CLIP2: variants seen among roughly 807,000 people sequenced by gnomAD.
CLIP2 encodes the protein CAP-Gly domain-containing linker protein 2.
Under a neutral mutation model 111.7 loss-of-function variants are expected in CLIP2, and 41 were observed. That is an observed-to-expected ratio of 0.37 (90% CI 0.29 to 0.48). CLIP2 has a LOEUF of 0.48. Among genes scored for constraint, CLIP2 ranks in the 20% least tolerant of loss-of-function variants. CLIP2 has a pLI of 0.99. For missense variants in CLIP2, 1,160 were observed against 1,422.1 expected (o/e 0.82, Z 2.96); for synonymous variants, 660 against 644.2 (o/e 1.02, Z -0.37).
chr7:74,311,403 G>A (rs1393779945), intron 1 of CLIP2, among the ~76,000 whole-genome samples: 1 of 152,130 alleles, frequency 6.6e-6, no homozygotes, highest in East Asian at 1.9e-4. Flanking sequence ...GGTATTGTCA[G>A]CTTTTCAAAT....
At position 74,403,934 on chromosome 7, in the gene CLIP2, G is replaced by T; in HGVS notation, c.*86G>T. On this transcript the variant is annotated 3_prime_UTR_variant, in exon 17 of 17. Transcript: ENST00000223398. ...AGTACCTCCTCCAGGCAGGAGCCGG[G>T]ACTGTCACTTTGGAGACAAAACAGT... 1 of 1,433,534 alleles carries T rather than the reference G, an allele frequency of 7.0e-7. No individual in the cohort carries two copies. The highest frequency in any genetic ancestry group is 1.1e-5 in the South Asian group (1 of 87,442). The allele number at this position is 1,433,534 out of a possible 1,614,324, so 88.8% of individuals were successfully genotyped here.
intron 4 of CLIP2, among the ~76,000 whole-genome samples, chr7:74,354,920 A>G (rs1174299820): frequency 1.3e-5 from 2 of 152,206 alleles, no homozygotes; most frequent in African/African-American, 4.8e-5. Context: ...GATGGGTTCC[A>G]GGTCTCACAG....
At chr7:74,365,025 G>C in intron 8 of CLIP2, 3 of 321,018 alleles carry the variant, frequency 9.3e-6, no homozygotes, top group Non-Finnish European at 1.2e-5. Context: ...GTGTGTGTGT[G>C]TGTGTGTGTG....
At chr7:74,341,380 G>T (rs1253886625) in intron 3 of CLIP2, among the ~76,000 whole-genome samples, 2 of 151,656 alleles carry the variant, frequency 1.3e-5, no homozygotes, top group Non-Finnish European at 2.9e-5. Flanking sequence ...GTAGAGATAG[G>T]GTTTCACCAT....
chr7:74,396,752 C>T (rs976685167), intron 13 of CLIP2, among the ~76,000 whole-genome samples: 24 of 152,120 alleles, frequency 1.6e-4, no homozygotes, highest in African/African-American at 5.8e-4. Context: ...AACTCCTGAC[C>T]TCAAATGATC....
chr7:74,298,765 C>G (rs1191425292), intron 1 of CLIP2, among the ~76,000 whole-genome samples: 3 of 152,092 alleles, frequency 2.0e-5, no homozygotes, highest in African/African-American at 7.2e-5. Context: ...AACTCCTGAC[C>G]TCAGGTGATT....
intron 10 of CLIP2, among the ~76,000 whole-genome samples, chr7:74,379,202 A>G (rs1790873232): frequency 6.6e-6 from 1 of 151,910 alleles, no homozygotes; most frequent in Non-Finnish European, 1.5e-5. Flanking sequence ...GGTGGCTCAC[A>G]CCTGTAATCC....
intron 16 of CLIP2, 170 bp downstream of exon 16, chr7:74,401,737 C>T: frequency 1.4e-6 from 1 of 738,658 alleles, no homozygotes; most frequent in South Asian, 1.5e-5. Flanking sequence ...CCAGATTCAC[C>T]CTGCTCTTTT....
chr7:74,305,773 C>T (rs1788462031), intron 1 of CLIP2, among the ~76,000 whole-genome samples: 1 of 151,486 alleles, frequency 6.6e-6, no homozygotes, highest in Non-Finnish European at 1.5e-5. Context: ...GGATTACAGA[C>T]ATGAGTCACC....
chr7:74,339,866 T>G (rs1251739810), intron 3 of CLIP2, among the ~76,000 whole-genome samples: 2 of 151,460 alleles, frequency 1.3e-5, no homozygotes, highest in Non-Finnish European at 2.9e-5. Flanking sequence ...GATGGGAGGA[T>G]CACTTGAGCC....
chr7:74,369,961 C>T lies in CLIP2; in HGVS notation c.1381-2971C>T, dbSNP rs1218993329. 7.2e-5 allele frequency among the ~76,000 whole-genome samples: 6 copies of T among 83,100 alleles called. 1 individual carries two copies. The highest frequency in any genetic ancestry group is 1.4e-4 in the Non-Finnish European group (5 of 34,612). The allele number at this position is 83,100 out of a possible 152,430, so 54.5% of individuals were successfully genotyped here. On this transcript the variant is annotated intron_variant, in intron 8 of 16. Transcript: ENST00000223398. ...GATCACGAGGTCAGGAGCTCCAAAC[C>T]AGCCTGGCTAACATGGCGAAACCCC...
At chr7:74,335,171 T>C (rs1789411919) in intron 2 of CLIP2, among the ~76,000 whole-genome samples, 1 of 149,850 alleles carries the variant, frequency 6.7e-6, no homozygotes, top group Non-Finnish European at 1.5e-5. Context: ...CTCGGGAGGC[T>C]GAGGCAGGAG....
At chr7:74,380,708 A>G in intron 10 of CLIP2, 98 bp from the exon 11 acceptor site, 2 of 949,586 alleles carry the variant, frequency 2.1e-6, no homozygotes, top group South Asian at 1.7e-5. Flanking sequence ...CCTTTGTAGG[A>G]GTAGGGTGTG....
chr7:74,353,541 A>G lies in CLIP2; in HGVS notation c.679-339A>G, dbSNP rs545967367. On this transcript the variant is annotated intron_variant, in intron 3 of 16. Transcript: ENST00000223398. ...GCTGGGATTACAGGCATGAGCCACC[A>G]TGCCCAGCCCCGAAAACCCTTTTAC... is the stretch of plus-strand genomic sequence containing the variant. Among the ~76,000 whole-genome samples, 4 of 152,186 alleles carry G rather than the reference A, an allele frequency of 2.6e-5. No homozygotes were observed. In the East Asian group the frequency reaches 7.7e-4, roughly 29 times the overall value.
intron 15 of CLIP2, 32 bp from the exon 16 acceptor site, chr7:74,401,473 A>G (rs1554317625): frequency 1.2e-6 from 2 of 1,610,978 alleles, no homozygotes; most frequent in East Asian, 4.5e-5. Flanking sequence ...TGCCTGGTGC[A>G]CCTGGCTCAG....
At chr7:74,349,915 G>A (rs533933321) in intron 3 of CLIP2, among the ~76,000 whole-genome samples, 30 of 151,150 alleles carry the variant, frequency 2.0e-4, no homozygotes, top group African/African-American at 5.1e-4. Context: ...GCACCCAGCC[G>A]TGTGATTCCA....
intron 2 of CLIP2, among the ~76,000 whole-genome samples, chr7:74,323,583 A>G (rs1789027815): frequency 6.6e-6 from 1 of 151,846 alleles, no homozygotes; most frequent in African/African-American, 2.4e-5. Flanking sequence ...ACCCATCACC[A>G]TACCTGGCTA....
chr7:74,395,404 G>T (rs1178637732), intron 13 of CLIP2, among the ~76,000 whole-genome samples: 1 of 151,984 alleles, frequency 6.6e-6, no homozygotes, highest in Admixed American at 6.6e-5. Context: ...TAATCTGCCC[G>T]CCTTGGCCTC....
chr7:74,370,720 T>G (rs1790593692), intron 8 of CLIP2, among the ~76,000 whole-genome samples: 1 of 151,906 alleles, frequency 6.6e-6, no homozygotes, highest in Non-Finnish European at 1.5e-5. Flanking sequence ...TCTGAGCTTT[T>G]GTACACGCTA....
Sources: gnomAD v4.1 joint callset for allele counts (sites outside exome capture counted in the v4.1 genomes callset) on GRCh38, gnomAD v4.1.1 for gene constraint, MANE v1.5 for transcripts, NCBI Gene and HGNC (gene_info 2026-07-23, HGNC 2026-07-21) for gene names.